The following ERRFI1 variants were observed in gnomAD, a reference collection of about 807,000 sequenced individuals.
The protein encoded by ERRFI1 is ERBB receptor feedback inhibitor 1.
A neutral mutation model predicts 14.6 loss-of-function variants in ERRFI1; 12 were observed. That is an observed-to-expected ratio of 0.82 (90% confidence interval 0.53 to 1.33). The LOEUF is 1.33. Among genes scored for constraint, ERRFI1 ranks in the 40% most tolerant of loss-of-function variants. ERRFI1 has a pLI of 0.00. For synonymous variants in ERRFI1, 202 were observed against 209.9 expected, an observed-to-expected ratio of 0.96 and a Z score of 0.32; for missense variants, 482 against 572.1, an observed-to-expected ratio of 0.84 and a Z score of 1.61.
In ERRFI1 at chr1:8,011,887, T is replaced by A. The variant is rs1404755010; in HGVS notation, c.*1323A>T. The A allele has an allele frequency of 4.5e-6, 1 of 224,190 alleles. No individual in the cohort carries two copies. Among genetic ancestry groups the A allele is most frequent in the African/African-American group, 2.2e-5 (1 of 44,860 alleles). 13.9% of individuals were successfully genotyped at this position (224,190 alleles called of 1,614,324 possible). ...CCTTCATTTAGTTCATACTAAAATA[T>A]AATAAGCTTTAAATAGCTCAAATAA... On this transcript the variant is annotated 3_prime_UTR_variant, in exon 4 of 4. Coordinates refer to ENST00000377482, the MANE Select transcript of ERRFI1 (RefSeq NM_018948.4).
intron 1 of ERRFI1, 60 bp from the exon 2 acceptor site, chr1:8,015,752 C>T: frequency 8.9e-7 from 1 of 1,125,948 alleles, no homozygotes; most frequent in South Asian, 1.5e-5. Flanking sequence ...TCCATTAGGA[C>T]AGTCTAAATT....
intron 3 of ERRFI1, 24 bp from the exon 4 acceptor site, chr1:8,014,420 TA>T (rs1557464394): frequency 2.0e-6 from 3 of 1,530,598 alleles, no homozygotes; most frequent in Non-Finnish European, 2.6e-6. Flanking sequence ...GAGATATTAA[TA>T]AAAGATCAAC....
chr1:8,013,368 A>C lies in ERRFI1; in HGVS notation c.1231T>G (p.Phe411Val), dbSNP rs749655500. 6.2e-7 allele frequency: 1 copy of C among 1,614,212 alleles called. No individual in the cohort carries two copies. Among genetic ancestry groups the C allele is most frequent in the Non-Finnish European group, 8.5e-7 (1 of 1,180,040 alleles). ...CCATTTGTTTCTTCTGCTTCCCTAA[A>C]AAATTTTTCATATTTGTCCAGGTAT... ...PPYLDKYEKF[F>V]REAEETNGGA... The change falls in exon 4 of 4, where the codon TTT (phenylalanine) becomes GTT (valine). Residue 411 changes from phenylalanine (F) to valine (V), a missense_variant. Phe to Val is a conservative substitution (Grantham distance 50, BLOSUM62 -1). Coordinates refer to ENST00000377482, the MANE Select transcript of ERRFI1 (RefSeq NM_018948.4). The surrounding 1 kb of genome is among the most constrained non-coding windows in gnomAD (Gnocchi z 4.3).
In ERRFI1 at chr1:8,012,650, G is replaced by A. The variant is rs1389245130; in HGVS notation, c.*560C>T. The A allele has an allele frequency of 4.4e-6, 1 of 229,402 alleles. No individual in the cohort carries two copies. Among genetic ancestry groups the A allele is most frequent in the Non-Finnish European group, 8.6e-6 (1 of 115,794 alleles). The allele number at this position is 229,402 out of a possible 1,614,324, so 14.2% of individuals were successfully genotyped here. On this transcript the variant is annotated 3_prime_UTR_variant, in exon 4 of 4. Transcript: ENST00000377482. Reference sequence around the variant, plus strand: ...GCAGGTACACCCATGGTAAAGAATGGATACCCTGCCCTCCATGGAAAAGAT... The same window carrying A: ...GCAGGTACACCCATGGTAAAGAATGAATACCCTGCCCTCCATGGAAAAGAT...
intron 1 of ERRFI1, among the ~76,000 whole-genome samples, chr1:8,016,746 C>G (rs1178322843): frequency 6.6e-6 from 1 of 152,106 alleles, no homozygotes. Context: ...TTTGGGGGCA[C>G]GTACATATAC....
intron 1 of ERRFI1, among the ~76,000 whole-genome samples, chr1:8,022,604 A>G (rs1641288915): frequency 6.6e-6 from 1 of 152,000 alleles, no homozygotes; most frequent in South Asian, 2.1e-4. Context: ...CACTTTCACT[A>G]CCTCTCCACT....
In ERRFI1 at chr1:8,017,152, A is replaced by T. The variant is rs1040382059; in HGVS notation, c.-73-1460T>A. On this transcript the variant is annotated intron_variant, in intron 1 of 3. Coordinates refer to ENST00000377482, the MANE Select transcript of ERRFI1 (RefSeq NM_018948.4). ...TGTAAGGCACAGGGTTTTTTTTTTT[A>T]AAGCTAAAAACTTTTAAAAAATACT... 5.4e-5 allele frequency among the ~76,000 whole-genome samples: 8 copies of T among 149,448 alleles called. No homozygotes were observed. The South Asian group carries it at 6.3e-4, about 12-fold the overall frequency.
intron 1 of ERRFI1, among the ~76,000 whole-genome samples, chr1:8,019,860 A>G (rs1035213143): frequency 6.6e-6 from 1 of 152,184 alleles, no homozygotes; most frequent in African/African-American, 2.4e-5. Flanking sequence ...GGTTTCTGTT[A>G]CAGTATATTT....
intron 1 of ERRFI1, among the ~76,000 whole-genome samples, chr1:8,024,875 A>C (rs545548011): frequency 6.6e-6 from 1 of 152,304 alleles, no homozygotes; most frequent in South Asian, 2.1e-4. Context: ...TGTTCAAATA[A>C]AATTTCACTT....
At chr1:8,024,631 C>T (rs1641319587) in intron 1 of ERRFI1, among the ~76,000 whole-genome samples, 1 of 152,196 alleles carries the variant, frequency 6.6e-6, no homozygotes, top group Non-Finnish European at 1.5e-5. Flanking sequence ...TCCCCTGGAA[C>T]ACACAGGTGA....
chr1:8,024,018 G>C (rs1026915023), intron 1 of ERRFI1, among the ~76,000 whole-genome samples: 1 of 152,178 alleles, frequency 6.6e-6, no homozygotes, highest in African/African-American at 2.4e-5. Context: ...CTCTGGCAGA[G>C]GGAGCCTATG....
chr1:8,015,075 C>T (rs1361031766), intron 3 of ERRFI1: 3 of 485,982 alleles, frequency 6.2e-6, no homozygotes, highest in Non-Finnish European at 1.1e-5. Flanking sequence ...TAGAAGATCC[C>T]ACGTCCATGA....
In ERRFI1 at chr1:8,012,393, C is replaced by T. The variant is rs993703032; in HGVS notation, c.*817G>A. On this transcript the variant is annotated 3_prime_UTR_variant, in exon 4 of 4. Transcript: ENST00000377482. ...AGAATACTTTTCCATCTGAGTCTAA[C>T]GTACCCCACTGCCTCTAATACGGCC... 3.5e-5 allele frequency: 8 copies of T among 230,804 alleles called. 1 individual carries two copies. The East Asian group carries it at 3.7e-4, about 11-fold the overall frequency. The allele number at this position is 230,804 out of a possible 1,614,324, so 14.3% of individuals were successfully genotyped here.
At chr1:8,017,828 T>G (rs1464691928) in intron 1 of ERRFI1, among the ~76,000 whole-genome samples, 1 of 152,210 alleles carries the variant, frequency 6.6e-6, no homozygotes, top group Non-Finnish European at 1.5e-5. Flanking sequence ...CCTAATGCCA[T>G]CTAAATCTTA....
intron 1 of ERRFI1, among the ~76,000 whole-genome samples, chr1:8,022,479 G>A (rs1419178928): frequency 6.6e-6 from 1 of 152,200 alleles, no homozygotes; most frequent in Non-Finnish European, 1.5e-5. Flanking sequence ...TGTAAGAAGA[G>A]GCAGGGATTA....
intron 1 of ERRFI1, among the ~76,000 whole-genome samples, chr1:8,015,983 A>G (rs773996381): frequency 6.6e-6 from 1 of 152,214 alleles, no homozygotes; most frequent in Non-Finnish European, 1.5e-5. Context: ...AGAGTTGCAC[A>G]ACAAATCACA....
At chr1:8,021,136 C>T (rs1641269509) in intron 1 of ERRFI1, among the ~76,000 whole-genome samples, 1 of 152,140 alleles carries the variant, frequency 6.6e-6, no homozygotes, top group South Asian at 2.1e-4. Flanking sequence ...GGCTCTTAAA[C>T]ATGTCCAGAA....
chr1:8,015,130 G>A (rs1569584279), intron 3 of ERRFI1, 178 bp downstream of exon 3: 1 of 601,284 alleles, frequency 1.7e-6, no homozygotes, highest in East Asian at 2.8e-5. Context: ...AGGCAGTCGA[G>A]TACAATAGCT....
chr1:8,018,045 T>C (rs1205883131), intron 1 of ERRFI1, among the ~76,000 whole-genome samples: 1 of 152,186 alleles, frequency 6.6e-6, no homozygotes, highest in Non-Finnish European at 1.5e-5. Context: ...GCCAGCTCAC[T>C]TCTGACCACA....
Sources: gnomAD v4.1 joint callset for allele counts (sites outside exome capture counted in the v4.1 genomes callset) on GRCh38, gnomAD v4.1.1 for gene constraint, Gnocchi (gnomAD v3.1) non-coding constraint, MANE v1.5 for transcripts, NCBI Gene and HGNC (gene_info 2026-07-23, HGNC 2026-07-21) for gene names.